Variants in SULF1 observed in about 807,000 individuals in gnomAD.
SULF1 encodes sulfatase 1, also known as extracellular sulfatase Sulf-1.
Under a neutral mutation model 110.5 loss-of-function variants are expected in SULF1, and 46 were observed. The observed-to-expected ratio is 0.42, with a 90% CI of 0.33 to 0.53. SULF1 has a LOEUF of 0.53. Ranked by LOEUF, SULF1 falls within the 20% of genes least tolerant of loss-of-function variation. The pLI, the probability that SULF1 is intolerant of heterozygous loss-of-function variation, is 0.12. For synonymous variants in SULF1, 371 were observed against 387.1 expected, an observed-to-expected ratio of 0.96 and a Z score of 0.49; for missense variants, 941 against 1,094.2, an observed-to-expected ratio of 0.86 and a Z score of 1.98.
intron 19 of SULF1, chr8:69,638,285 T>C (rs569767429): frequency 1.7e-6 from 1 of 584,564 alleles, no homozygotes; most frequent in Admixed American, 3.3e-5. Context: ...CTTCAGCCTA[T>C]AAGAGATCAC....
intron 22 of SULF1, among the ~76,000 whole-genome samples, chr8:69,642,764 G>C (rs990120746): frequency 2.0e-5 from 3 of 152,172 alleles, no homozygotes; most frequent in African/African-American, 7.2e-5. Flanking sequence ...GCTGGTCAGG[G>C]ATGAGTCAGA....
upstream of SULF1, among the ~76,000 whole-genome samples, chr8:69,491,139 G>T (rs575124967): frequency 8.5e-5 from 13 of 152,296 alleles, no homozygotes; most frequent in African/African-American, 3.1e-4. Flanking sequence ...TCTCTTAAAT[G>T]ACACCACGGT....
intron 7 of SULF1, among the ~76,000 whole-genome samples, chr8:69,588,769 C>T (rs1174510373): frequency 6.6e-6 from 1 of 152,120 alleles, no homozygotes; most frequent in Non-Finnish European, 1.5e-5. Flanking sequence ...TGTTACCAAG[C>T]TAGCAACCCT....
intron 3 of SULF1, among the ~76,000 whole-genome samples, chr8:69,523,105 A>T (rs1303817263): frequency 1.3e-5 from 2 of 152,208 alleles, no homozygotes; most frequent in African/African-American, 4.8e-5. Flanking sequence ...GTAAAAAAGA[A>T]GAGTATTGCT....
chr8:69,515,769 T>C (rs1432639235), intron 3 of SULF1, among the ~76,000 whole-genome samples: 5 of 152,244 alleles, frequency 3.3e-5, no homozygotes, highest in Admixed American at 1.3e-4. Flanking sequence ...TTGAACACTT[T>C]GCTGCTTAGA....
intron 14 of SULF1, 79 bp downstream of exon 14, chr8:69,621,330 C>A: frequency 9.8e-7 from 1 of 1,019,960 alleles, no homozygotes; most frequent in East Asian, 2.5e-5. Context: ...AAGGGTTGCT[C>A]CTTCTACATT....
intron 22 of SULF1, among the ~76,000 whole-genome samples, chr8:69,642,050 G>A (rs570978337): frequency 1.8e-4 from 27 of 152,238 alleles, no homozygotes; most frequent in Non-Finnish European, 2.8e-4. Context: ...AGGCACAGAC[G>A]TTACCAGTAC....
At chr8:69,522,812 T>C (rs911681391) in intron 3 of SULF1, among the ~76,000 whole-genome samples, 5 of 152,134 alleles carry the variant, frequency 3.3e-5, no homozygotes, top group African/African-American at 4.8e-5. Flanking sequence ...AAACTGATCA[T>C]TGGATTTATC....
chr8:69,493,750 C>T (rs1048114601), intron 1 of SULF1, among the ~76,000 whole-genome samples: 11 of 152,100 alleles, frequency 7.2e-5, no homozygotes, highest in African/African-American at 2.7e-4. Flanking sequence ...ACTGCATAAC[C>T]GAAGGTTCTA....
chr8:69,617,218 C>A (rs573047702), intron 13 of SULF1, among the ~76,000 whole-genome samples: 1 of 151,384 alleles, frequency 6.6e-6, no homozygotes, highest in African/African-American at 2.4e-5. Flanking sequence ...GGCTGTAGTG[C>A]AGTAGCATGA....
chr8:69,650,207 C>G (rs1812225621), intron 22 of SULF1, among the ~76,000 whole-genome samples: 1 of 151,654 alleles, frequency 6.6e-6, no homozygotes. Context: ...ACTATATTGC[C>G]CAGGCTAGTC....
chr8:69,644,196 C>A (rs1811705525), intron 22 of SULF1, among the ~76,000 whole-genome samples: 1 of 152,192 alleles, frequency 6.6e-6, no homozygotes, highest in South Asian at 2.1e-4. Flanking sequence ...CTGTGGGTGA[C>A]ACAGCCGTGT....
intron 7 of SULF1, 53 bp downstream of exon 7, chr8:69,586,561 A>G (rs1479868766): frequency 6.4e-7 from 1 of 1,567,078 alleles, no homozygotes; most frequent in Admixed American, 1.9e-5. Context: ...CATAATGGGG[A>G]AAAGCCATTT....
At chr8:69,582,259 T>C (rs1031223589) in intron 6 of SULF1, among the ~76,000 whole-genome samples, 9 of 151,870 alleles carry the variant, frequency 5.9e-5, no homozygotes, top group African/African-American at 1.9e-4. Flanking sequence ...ACAAAATAAG[T>C]AGTAGTGGGG....
chr8:69,509,471 G>A lies in SULF1; in HGVS notation c.-134+7503G>A, dbSNP rs7836189. 8.4e-3 allele frequency among the ~76,000 whole-genome samples: 1,282 copies of A among 152,274 alleles called. 17 individuals are homozygous for A. The highest frequency in any genetic ancestry group is 0.03 in the African/African-American group (1,239 of 41,560). On this transcript the variant is annotated intron_variant, in intron 3 of 22. Transcript: ENST00000402687. ...CTTCAAAATAAAAGTGAAAAATATA[G>A]CACATACTGTATTAGATACTTGTTG... is the stretch of plus-strand genomic sequence containing the variant.
intron 22 of SULF1, among the ~76,000 whole-genome samples, chr8:69,648,348 G>A (rs1812088998): frequency 6.6e-6 from 1 of 152,128 alleles, no homozygotes; most frequent in African/African-American, 2.4e-5. Context: ...AATGCTTTAT[G>A]ATTTTTCTGA....
chr8:69,656,746 A>T (rs1424022405), intron 22 of SULF1, among the ~76,000 whole-genome samples: 2 of 152,136 alleles, frequency 1.3e-5, no homozygotes, highest in African/African-American at 4.8e-5. Flanking sequence ...GTTTGATTCC[A>T]TGTCTTTGCT....
chr8:69,602,557 C>T lies in SULF1; in HGVS notation c.1062-635C>T, dbSNP rs535185039. Among the ~76,000 whole-genome samples the T allele has an allele frequency of 5.9e-5, 9 of 152,352 alleles. 1 individual carries two copies. In the South Asian group the frequency reaches 1.9e-3, roughly 32 times the overall value. ...TGAAGCTAGGCAGACAGCGTCAGTGCCCCTCTCAGATCCCTGATTCTGGAA... is the reference window on the plus strand; with the variant it reads ...TGAAGCTAGGCAGACAGCGTCAGTGTCCCTCTCAGATCCCTGATTCTGGAA... On this transcript the variant is annotated intron_variant, in intron 10 of 22. Transcript: ENST00000402687.
At chr8:69,515,498 G>A (rs1811868502) in intron 3 of SULF1, among the ~76,000 whole-genome samples, 1 of 152,204 alleles carries the variant, frequency 6.6e-6, no homozygotes, top group Non-Finnish European at 1.5e-5. Context: ...TGTGATTGGA[G>A]GGGCTGCCAC....
Sources: gnomAD v4.1 joint callset for allele counts (sites outside exome capture counted in the v4.1 genomes callset) on GRCh38, gnomAD v4.1.1 for gene constraint, MANE v1.5 for transcripts, NCBI Gene and HGNC (gene_info 2026-07-23, HGNC 2026-07-21) for gene names.